Variants in OR1I1 observed in about 807,000 individuals in gnomAD.
The protein encoded by OR1I1 is olfactory receptor family 1 subfamily I member 1, also known as olfactory receptor 1I1.
For missense variants in OR1I1, 451 were observed against 443.6 expected, an observed-to-expected ratio of 1.02 and a Z score of -0.15; for synonymous variants, 171 against 181.4, an observed-to-expected ratio of 0.94 and a Z score of 0.46.
intron 1 of OR1I1, among the ~76,000 whole-genome samples, chr19:15,083,012 G>T (rs942382595): frequency 1.3e-5 from 2 of 151,812 alleles, no homozygotes; most frequent in African/African-American, 4.8e-5. Flanking sequence ...TTCCTATGTT[G>T]CCCAGGATGG....
At position 15,087,139 on chromosome 19, in the gene OR1I1, C is replaced by T; in HGVS notation, c.74C>T (p.Thr25Ile). The change falls in exon 2 of 2, where the codon ACC (threonine) becomes ATC (isoleucine). Residue 25 changes from threonine (T) to isoleucine (I), a missense_variant. Physicochemically the swap from Thr to Ile is moderately conservative, Grantham distance 89. Transcript: ENST00000641398. ...QGLSEKPEHQ[T>I]LLFTMFLSTY... Reference sequence around the variant, plus strand: ...CTCTCAGAAAAGCCAGAGCATCAGACCCTCCTCTTCACAATGTTCCTCTCC... The same window carrying T: ...CTCTCAGAAAAGCCAGAGCATCAGATCCTCCTCTTCACAATGTTCCTCTCC... 3 of 1,613,966 alleles carry T rather than the reference C, an allele frequency of 1.9e-6. No homozygotes were observed. Among genetic ancestry groups the T allele is most frequent in the South Asian group, 2.2e-5 (2 of 91,068 alleles).
intron 1 of OR1I1, 141 bp from the exon 2 acceptor site, chr19:15,086,912 A>T: frequency 7.5e-7 from 1 of 1,333,868 alleles, no homozygotes; most frequent in East Asian, 2.6e-5. Context: ...AGATGGCTTG[A>T]GGTTAACTGA....
rs761558662 is a variant in OR1I1 at position 15,087,905 on chromosome 19, G to A, written c.840G>A (p.Val280=). 7.2e-5 allele frequency: 116 copies of A among 1,613,908 alleles called. No homozygotes were observed. Among genetic ancestry groups the A allele is most frequent in the Non-Finnish European group, 9.4e-5 (111 of 1,179,918 alleles). ...KDKAAALMCG[V]FIPMLNPFIY... is the part of the protein sequence containing the mutation. The stretch of plus-strand genomic sequence containing the variant: ...AGGCAGCCGCCCTAATGTGTGGGGT[G>A]TTCATCCCCATGCTCAACCCCTTTA... Residue 280 remains valine (V), a synonymous_variant, in exon 2 of 2, where the codon GTG becomes GTA. Transcript: ENST00000641398.
intron 1 of OR1I1, among the ~76,000 whole-genome samples, chr19:15,085,655 A>G (rs1439830822): frequency 6.6e-6 from 1 of 151,972 alleles, no homozygotes; most frequent in Non-Finnish European, 1.5e-5. Flanking sequence ...TCTAATTGAA[A>G]TTTTGTATTC....
chr19:15,087,386 C>G lies in OR1I1; in HGVS notation c.321C>G (p.Phe107Leu), dbSNP rs374219835. ...CCCAGATGTATGCCTTCCACCTGTT[C>G]GGGACCATGGACAGCTTTCTCCTGG... is the stretch of plus-strand genomic sequence containing the variant. Reference protein sequence around the residue: ...CLTQMYAFHLFGTMDSFLLAV... With the variant: ...CLTQMYAFHLLGTMDSFLLAV... Residue 107 changes from phenylalanine to leucine, a missense_variant, in exon 2 of 2, where the codon TTC becomes TTG. Phe to Leu is a conservative substitution (Grantham distance 22). Transcript: ENST00000641398. The G allele has an allele frequency of 7.4e-6, 12 of 1,614,078 alleles. No homozygotes were observed. Among genetic ancestry groups the G allele is most frequent in the Non-Finnish European group, 1.0e-5 (12 of 1,180,052 alleles).
Position 15,088,172 on chromosome 19 carries a change from A to G in OR1I1, c.*39A>G. 1 of 1,505,958 alleles carries G rather than the reference A, an allele frequency of 6.6e-7. No homozygotes were observed. Among genetic ancestry groups the G allele is most frequent in the Admixed American group, 2.2e-5 (1 of 46,040 alleles). The allele number at this position is 1,505,958 out of a possible 1,614,324, so 93.3% of individuals were successfully genotyped here. A position where few individuals can be genotyped will look rare whatever the true frequency, so the allele number is the denominator to read the frequency against. The stretch of plus-strand genomic sequence containing the variant: ...AACGTGATAAATGTGTCATAAAGAG[A>G]TGAACAAAGTGTATGAGCACCCAAA... On this transcript the variant is annotated 3_prime_UTR_variant, in exon 2 of 2. Coordinates refer to ENST00000641398, the MANE Select transcript of OR1I1 (RefSeq NM_001004713.2).
At chr19:15,085,174 A>ATTTTTTT (rs1188702949) in intron 1 of OR1I1, among the ~76,000 whole-genome samples, 2 of 56,892 alleles carry the variant, frequency 3.5e-5, no homozygotes, top group Admixed American at 2.5e-4. Flanking sequence ...ATATATATAT[A>ATTTTTTT]TATTTTTTTT....
chr19:15,085,176 A>ATATATATTT (rs1555717400), intron 1 of OR1I1, among the ~76,000 whole-genome samples: 3 of 80,140 alleles, frequency 3.7e-5, no homozygotes, highest in African/African-American at 4.6e-5. Context: ...ATATATATAT[A>ATATATATTT]TTTTTTTTTT....
chr19:15,085,176 A>ATATATATAT (rs1555717400), intron 1 of OR1I1, among the ~76,000 whole-genome samples: 3 of 80,126 alleles, frequency 3.7e-5, no homozygotes, highest in African/African-American at 4.6e-5. Context: ...ATATATATAT[A>ATATATATAT]TTTTTTTTTT....
chr19:15,090,841 C>T lies in OR1I1; in HGVS notation c.*2708C>T, dbSNP rs1390773839. Reference sequence around the variant, plus strand: ...CCGGCCTCAAGAGATCTGCCCTCCTCGGCTTCACAAAGTGCTGGGATTGCA... The same window carrying T: ...CCGGCCTCAAGAGATCTGCCCTCCTTGGCTTCACAAAGTGCTGGGATTGCA... On this transcript the variant is annotated 3_prime_UTR_variant, in exon 2 of 2. Coordinates refer to ENST00000641398, the MANE Select transcript of OR1I1 (RefSeq NM_001004713.2). The T allele has an allele frequency of 1.3e-5, 2 of 152,288 alleles. No homozygotes were observed. The highest frequency in any genetic ancestry group is 2.9e-5 in the Non-Finnish European group (2 of 68,100). The allele number at this position is 152,288 out of a possible 1,614,324, so 9.4% of individuals were successfully genotyped here.
chr19:15,082,626 C>T (rs990912705), intron 1 of OR1I1, among the ~76,000 whole-genome samples: 8 of 152,050 alleles, frequency 5.3e-5, no homozygotes, highest in African/African-American at 1.9e-4. Context: ...TCTTGAGAAA[C>T]AAGTTTCTCC....
chr19:15,088,103 G>A lies in OR1I1; in HGVS notation c.1038G>A (p.Gln346=), dbSNP rs140702420. Residue 346 remains glutamine (Q), a synonymous_variant, in exon 2 of 2, where the codon CAG becomes CAA. Transcript: ENST00000641398. Reference sequence around the variant, plus strand: ...CCATCCCCTACCCTGGAGGAGTTCAGAGTCTAGCTGGGAACAGAGACATGG... The same window carrying A: ...CCATCCCCTACCCTGGAGGAGTTCAAAGTCTAGCTGGGAACAGAGACATGG... The part of the protein sequence containing the change: ...MHPIPYPGGV[Q]SLAGNRDME The A allele has an allele frequency of 4.5e-6, 7 of 1,561,026 alleles. No individual in the cohort carries two copies. Among genetic ancestry groups the A allele is most frequent in the Non-Finnish European group, 6.1e-6 (7 of 1,149,836 alleles).
In OR1I1 at chr19:15,091,716, G is replaced by C. The variant is rs934943388; in HGVS notation, c.*3583G>C. ...GTGGTGGCCCACACCTGTAGTCCCAGCTACTTGGGAGGCTGAGGCAGGAGA... is the reference window on the plus strand; with the variant it reads ...GTGGTGGCCCACACCTGTAGTCCCACCTACTTGGGAGGCTGAGGCAGGAGA... On this transcript the variant is annotated 3_prime_UTR_variant, in exon 2 of 2. Transcript: ENST00000641398. The C allele has an allele frequency of 4.6e-5, 7 of 150,568 alleles. No homozygotes were observed. The Admixed American group carries it at 4.7e-4, about 10-fold the overall frequency. The allele number at this position is 150,568 out of a possible 1,614,324, so 9.3% of individuals were successfully genotyped here.
Position 15,089,586 on chromosome 19 carries a change from G to A in OR1I1, c.*1453G>A, listed in dbSNP as rs1437634346. On this transcript the variant is annotated 3_prime_UTR_variant, in exon 2 of 2. Transcript: ENST00000641398. The stretch of plus-strand genomic sequence containing the variant: ...ACCTGTAAACTCTGGCACTTTGGGA[G>A]GTTGAGTAGGGAGAATCATTTGAAG... 1 of 152,200 alleles carries A rather than the reference G, an allele frequency of 6.6e-6. No homozygotes were observed. Among genetic ancestry groups the A allele is most frequent in the Non-Finnish European group, 1.5e-5 (1 of 68,058 alleles). The allele number at this position is 152,200 out of a possible 1,614,324, so 9.4% of individuals were successfully genotyped here.
rs750064448 is a variant in OR1I1 at position 15,087,056 on chromosome 19, C to A, written c.-10C>A. 1.2e-6 allele frequency: 2 copies of A among 1,600,958 alleles called. No homozygotes were observed. The highest frequency in any genetic ancestry group is 3.4e-5 in the Admixed American group (2 of 59,184). On this transcript the variant is annotated 5_prime_UTR_variant, in exon 2 of 2. Coordinates refer to ENST00000641398, the MANE Select transcript of OR1I1 (RefSeq NM_001004713.2). Reference sequence around the variant, plus strand: ...TCTCCCTTTTTGTTCCCACTAGTCACAGACCATACATGGAACCAGAAAAGC... The same window carrying A: ...TCTCCCTTTTTGTTCCCACTAGTCAAAGACCATACATGGAACCAGAAAAGC...
At chr19:15,086,781 G>A (rs1002820084) in intron 1 of OR1I1, among the ~76,000 whole-genome samples, 1 of 152,096 alleles carries the variant, frequency 6.6e-6, no homozygotes, top group East Asian at 1.9e-4. Flanking sequence ...CTCCACTGAA[G>A]GAAGCAAAAG....
rs2046262034 is a variant in OR1I1 at position 15,092,673 on chromosome 19, GGTTT to G, written c.*4545_*4548del. 1 of 152,014 alleles carries G rather than the reference GGTTT, an allele frequency of 6.6e-6. No homozygotes were observed. The highest frequency in any genetic ancestry group is 1.5e-5 in the Non-Finnish European group (1 of 68,020). 9.4% of individuals were successfully genotyped at this position (152,014 alleles called of 1,614,324 possible). The stretch of plus-strand genomic sequence containing the variant: ...TACATGTCATACCTTGTAGCCTTTG[GGTTT>G]GTTTTCAACCACTTTTAAAATGTTA... On this transcript the variant is annotated 3_prime_UTR_variant, in exon 2 of 2. Transcript: ENST00000641398.
Position 15,092,217 on chromosome 19 carries a change from G to C in OR1I1, c.*4084G>C, listed in dbSNP as rs2046260418. ...ATCTCCCCCTGGAAGGGCACAACAG[G>C]TGCAAAGTTTCCATGATGAGAAGGA... On this transcript the variant is annotated 3_prime_UTR_variant, in exon 2 of 2. Coordinates refer to ENST00000641398, the MANE Select transcript of OR1I1 (RefSeq NM_001004713.2). 6.8e-6 allele frequency: 1 copy of C among 147,666 alleles called. No individual in the cohort carries two copies. The highest frequency in any genetic ancestry group is 2.5e-5 in the African/African-American group (1 of 40,538). 9.1% of individuals were successfully genotyped at this position (147,666 alleles called of 1,614,324 possible). A position where few individuals can be genotyped will look rare whatever the true frequency, so the allele number is the denominator to read the frequency against.
rs757508009 is a variant in OR1I1 at position 15,085,176 on chromosome 19, A to ATTTTTTTT, written c.-13-1873_-13-1866dup. The stretch of plus-strand genomic sequence containing the variant: ...TATATATATATATATATATATATAT[A>ATTTTTTTT]TTTTTTTTTTTGAGACAGAGTTTCG... On this transcript the variant is annotated intron_variant, in intron 1 of 1. Coordinates refer to ENST00000641398, the MANE Select transcript of OR1I1 (RefSeq NM_001004713.2). Among the ~76,000 whole-genome samples the ATTTTTTTT allele has an allele frequency of 1.6e-3, 125 of 80,108 alleles. 10 individuals carry two copies. The highest frequency in any genetic ancestry group is 2.8e-3 in the African/African-American group (60 of 21,748). 52.6% of individuals were successfully genotyped at this position (80,108 alleles called of 152,430 possible).
Sources: gnomAD v4.1 joint callset for allele counts (sites outside exome capture counted in the v4.1 genomes callset) on GRCh38, gnomAD v4.1.1 for gene constraint, MANE v1.5 for transcripts, NCBI Gene and HGNC (gene_info 2026-07-23, HGNC 2026-07-21) for gene names.